RAB3GAP1: variants seen among roughly 807,000 people sequenced by gnomAD.
RAB3GAP1 encodes the protein rab3 GTPase-activating protein catalytic subunit.
Under a neutral mutation model 130.7 loss-of-function variants are expected in RAB3GAP1, and 86 were observed. That is an observed-to-expected ratio of 0.66 (90% confidence interval 0.55 to 0.79). RAB3GAP1 has a LOEUF of 0.79. RAB3GAP1 is among the 30% of genes least tolerant of loss of function. The pLI is 0.00. For missense variants in RAB3GAP1, 1,029 were observed against 1,169.4 expected (o/e 0.88, Z 1.75); for synonymous variants, 367 against 401.7 (o/e 0.91, Z 1.03).
At chr2:135,171,548 C>G (rs536146808), downstream of RAB3GAP1, among the ~76,000 whole-genome samples, 4 of 152,258 alleles carry the variant, frequency 2.6e-5, no homozygotes, top group South Asian at 8.3e-4. Flanking sequence ...GCCCTCCTAC[C>G]CCCATACATT....
At chr2:135,104,897 C>A (rs1244098272) in intron 5 of RAB3GAP1, among the ~76,000 whole-genome samples, 3 of 151,704 alleles carry the variant, frequency 2.0e-5, no homozygotes, top group African/African-American at 7.3e-5. Flanking sequence ...TCAAAACAAA[C>A]AAACAAACAA....
In RAB3GAP1 at chr2:135,126,623, G is replaced by A. The variant is rs769070005; in HGVS notation, c.940G>A (p.Val314Ile). ...TCAAGCTCCACATTGGTCTGTTAGA[G>A]TTCGAAAAGCTGAGAATCCTCAGTG... ...PIQAPHWSVR[V>I]RKAENPQCLL... Residue 314 changes from valine (V) to isoleucine (I), a missense_variant, in exon 11 of 24, where the codon GTT becomes ATT. Around this residue, in one of 3 missense-constraint regions of RAB3GAP1, gnomAD observed 510 missense variants for 532.1 expected, o/e 0.96. Transcript: ENST00000264158. The A allele has an allele frequency of 6.2e-7, 1 of 1,613,352 alleles. No individual in the cohort carries two copies. The highest frequency in any genetic ancestry group is 1.7e-5 in the Admixed American group (1 of 60,032).
At chr2:135,077,391 C>T (rs1689662058) in intron 3 of RAB3GAP1, among the ~76,000 whole-genome samples, 1 of 150,998 alleles carries the variant, frequency 6.6e-6, no homozygotes, top group African/African-American at 2.4e-5. Flanking sequence ...GTTCTACTTG[C>T]TTTCAGTTCC....
At chr2:135,174,855 C>T (rs1692962185), downstream of RAB3GAP1, among the ~76,000 whole-genome samples, 1 of 152,174 alleles carries the variant, frequency 6.6e-6, no homozygotes. Context: ...GGCCCAGCCT[C>T]CTCTGTGGCT....
At chr2:135,064,840 C>G (rs1299023761) in intron 3 of RAB3GAP1, among the ~76,000 whole-genome samples, 2 of 144,676 alleles carry the variant, frequency 1.4e-5, no homozygotes, top group South Asian at 4.6e-4. Context: ...ATGTAGTCTA[C>G]ATTTTATTTA....
At chr2:135,078,073 TG>T (rs1689681105) in intron 3 of RAB3GAP1, among the ~76,000 whole-genome samples, 1 of 152,198 alleles carries the variant, frequency 6.6e-6, no homozygotes, top group South Asian at 2.1e-4. Flanking sequence ...TTTTTTCTTT[TG>T]TTGCCTGTGC....
chr2:135,146,209 T>G (rs984235335), intron 17 of RAB3GAP1, among the ~76,000 whole-genome samples: 4 of 145,218 alleles, frequency 2.8e-5, no homozygotes, highest in Non-Finnish European at 4.5e-5. Flanking sequence ...CTTTTTTTTT[T>G]TTTTTTTTTT....
At chr2:135,118,738 C>T (rs2034840) in intron 7 of RAB3GAP1, among the ~76,000 whole-genome samples, 17,105 of 152,084 alleles carry the variant, frequency 0.11, 1,242 homozygotes, top group South Asian at 0.31. Flanking sequence ...GAGTCTCTTG[C>T]TCTGTAGTAA....
chr2:135,163,836 T>G lies in RAB3GAP1; in HGVS notation c.2606+735T>G, dbSNP rs367851727. Among the ~76,000 whole-genome samples, 3 of 152,366 alleles carry G rather than the reference T, an allele frequency of 2.0e-5. No individual in the cohort carries two copies. In the East Asian group the frequency reaches 5.8e-4, roughly 29 times the overall value. On this transcript the variant is annotated intron_variant, in intron 22 of 23. Coordinates refer to ENST00000264158, the MANE Select transcript of RAB3GAP1 (RefSeq NM_012233.3). ...CATTATTGATGCTAAATAATTAATA[T>G]TGTATGGCAAGGCATTTGCTGTCTT...
rs1692761016 is a variant in RAB3GAP1 at position 135,169,065 on chromosome 2, G to A, written c.*284G>A. 4.1e-6 allele frequency: 2 copies of A among 491,210 alleles called. No individual in the cohort carries two copies. The highest frequency in any genetic ancestry group is 3.7e-6 in the Non-Finnish European group (1 of 267,672). 30.4% of individuals were successfully genotyped at this position (491,210 alleles called of 1,614,324 possible). On this transcript the variant is annotated 3_prime_UTR_variant, in exon 24 of 24. Coordinates refer to ENST00000264158, the MANE Select transcript of RAB3GAP1 (RefSeq NM_012233.3). ...GGGACACAAACACATCAGACACTCC[G>A]TCCTCACACTGGCAGGACGGTGTTC...
intron 5 of RAB3GAP1, 45 bp downstream of exon 5, chr2:135,093,738 G>A: frequency 7.0e-7 from 1 of 1,426,424 alleles, no homozygotes; most frequent in Non-Finnish European, 9.9e-7. Context: ...GTGTGTTGCG[G>A]GGGACCTCAA....
intron 3 of RAB3GAP1, among the ~76,000 whole-genome samples, chr2:135,070,211 G>C (rs1689427823): frequency 6.6e-6 from 1 of 152,188 alleles, no homozygotes; most frequent in Admixed American, 6.5e-5. Context: ...CAGACAGACA[G>C]ACAGAACACC....
At position 135,115,228 on chromosome 2, in the gene RAB3GAP1, C is replaced by A; in HGVS notation, c.495C>A (p.Leu165=). 6.2e-7 allele frequency: 1 copy of A among 1,610,814 alleles called. No individual in the cohort carries two copies. The highest frequency in any genetic ancestry group is 8.5e-7 in the Non-Finnish European group (1 of 1,177,094). The part of the protein sequence containing the change: ...ALGNTGCQVP[L]FVQIHHKWRR... ...TCATGTCTTGCAGTCAGGTGCCACT[C>A]TTTGTGCAAATTCACCACAAATGGC... The change falls in exon 7 of 24, where the codon CTC becomes CTA. Residue 165 remains leucine, a synonymous_variant. Transcript: ENST00000264158.
chr2:135,124,074 CT>C, intron 8 of RAB3GAP1, 90 bp from the exon 9 acceptor site: 1 of 1,251,170 alleles, frequency 8.0e-7, no homozygotes, highest in African/African-American at 1.5e-5. Flanking sequence ...CTTGCAGACA[CT>C]TTTAAAGCTA....
intron 18 of RAB3GAP1, 88 bp from the exon 19 acceptor site, chr2:135,153,561 T>C (rs1692230101): frequency 2.4e-6 from 3 of 1,254,996 alleles, no homozygotes; most frequent in Non-Finnish European, 3.5e-6. Flanking sequence ...TTAGATAGGC[T>C]TTTTTTGAAA....
intron 3 of RAB3GAP1, among the ~76,000 whole-genome samples, chr2:135,084,007 G>T (rs1689905607): frequency 6.6e-6 from 1 of 152,000 alleles, no homozygotes; most frequent in Non-Finnish European, 1.5e-5. Context: ...CACTTAGGGA[G>T]GCCAAGGCGG....
intron 3 of RAB3GAP1, among the ~76,000 whole-genome samples, chr2:135,088,401 A>G (rs1690046656): frequency 6.6e-6 from 1 of 152,052 alleles, no homozygotes; most frequent in Non-Finnish European, 1.5e-5. Flanking sequence ...AAAAATTATG[A>G]TTTTTGGCCA....
chr2:135,061,648 T>C (rs760210837), intron 3 of RAB3GAP1, among the ~76,000 whole-genome samples: 2 of 152,208 alleles, frequency 1.3e-5, no homozygotes, highest in Non-Finnish European at 2.9e-5. Flanking sequence ...GATTTTGTTT[T>C]TATTGAGTTG....
intron 18 of RAB3GAP1, among the ~76,000 whole-genome samples, chr2:135,153,206 T>C (rs145564922): frequency 6.6e-4 from 100 of 152,352 alleles, no homozygotes; most frequent in African/African-American, 2.3e-3. Flanking sequence ...TGGTGTATTA[T>C]TTAATTTTTA....
Sources: gnomAD v4.1 joint callset for allele counts (sites outside exome capture counted in the v4.1 genomes callset) on GRCh38, gnomAD v4.1.1 for gene constraint, gnomAD v4.1.1 regional missense constraint, MANE v1.5 for transcripts, NCBI Gene and HGNC (gene_info 2026-07-23, HGNC 2026-07-21) for gene names.